GLOD4: variants seen among roughly 807,000 people sequenced by gnomAD.
GLOD4 encodes glyoxalase domain-containing protein 4.
Under a neutral mutation model 39.1 loss-of-function variants are expected in GLOD4, and 44 were observed. The observed-to-expected ratio is 1.13, with a 90% CI of 0.88 to 1.45. The LOEUF is 1.45. Among genes scored for constraint, GLOD4 ranks in the 40% most tolerant of loss-of-function variants. The pLI is 0.00. For missense variants in GLOD4, 405 were observed against 366.4 expected (o/e 1.11, Z -0.86); for synonymous variants, 145 against 135.0 (o/e 1.07, Z -0.52).
intron 8 of GLOD4, among the ~76,000 whole-genome samples, chr17:768,724 A>T (rs1597579853): frequency 2.9e-3 from 1 of 348 alleles, no homozygotes; most frequent in African/African-American, 0.029. Context: ...AGAGGACGTG[A>T]GAGAGAGAAA....
At chr17:769,552 G>A (rs1327830650) in intron 8 of GLOD4, among the ~76,000 whole-genome samples, 2 of 151,822 alleles carry the variant, frequency 1.3e-5, no homozygotes, top group African/African-American at 2.4e-5. Flanking sequence ...GAGGGGGTCG[G>A]ATGGAGGCAT....
intron 4 of GLOD4, among the ~76,000 whole-genome samples, chr17:774,162 G>A (rs1461594150): frequency 5.9e-5 from 9 of 152,156 alleles, no homozygotes; most frequent in Non-Finnish European, 1.2e-4. Context: ...GTGAGGCAGA[G>A]AAACACCATC....
chr17:767,068 T>C (rs904943366), intron 8 of GLOD4, among the ~76,000 whole-genome samples: 1 of 152,228 alleles, frequency 6.6e-6, no homozygotes, highest in Non-Finnish European at 1.5e-5. Context: ...CATCTACTAT[T>C]ATGTCAGTAA....
intron 1 of GLOD4, among the ~76,000 whole-genome samples, chr17:781,168 G>T (rs981012646): frequency 6.6e-6 from 1 of 152,132 alleles, no homozygotes; most frequent in African/African-American, 2.4e-5. Context: ...TGATCCACCC[G>T]CCTTGGCCTC....
chr17:769,953 G>A lies in GLOD4; in HGVS notation c.747C>T (p.Asp249=), dbSNP rs139770786. The A allele has an allele frequency of 2.0e-5, 32 of 1,604,552 alleles. 1 individual carries two copies. Among genetic ancestry groups the A allele is most frequent in the South Asian group, 5.5e-5 (5 of 90,910 alleles). Residue 249 remains aspartate (D), a splice_region_variant and synonymous_variant, in exon 8 of 9, where the codon GAC becomes GAT. Transcript: ENST00000301329. ...TVQVVILADP[D]GHEICFVGDE... is the part of the protein sequence containing the mutation. Reference sequence around the variant, plus strand: ...CCCCGACAAAGCAAATTTCATGTCCGTCCTACACCAATAAAGAGAAAAGAC... The same window carrying A: ...CCCCGACAAAGCAAATTTCATGTCCATCCTACACCAATAAAGAGAAAAGAC...
At chr17:767,265 C>T (rs1401501506) in intron 8 of GLOD4, among the ~76,000 whole-genome samples, 4 of 152,228 alleles carry the variant, frequency 2.6e-5, no homozygotes, top group African/African-American at 7.2e-5. Flanking sequence ...ATTTGCAGAA[C>T]GTCTAGTACA....
chr17:769,901 T>C lies in GLOD4; in HGVS notation c.799A>G (p.Met267Val). 1 of 1,608,798 alleles carries C rather than the reference T, an allele frequency of 6.2e-7. No homozygotes were observed. The highest frequency in any genetic ancestry group is 1.1e-5 in the South Asian group (1 of 90,984). The change falls in exon 8 of 9, where the codon ATG becomes GTG. Residue 267 changes from methionine (M) to valine (V), a missense_variant. Transcript: ENST00000301329. ...GDEAFRELSK[M>V]DPEGSKLLDD... ...AACAATTTGCTTCCCTCTGGATCCA[T>C]CTTAGAAAGTTCTCGAAATGCTTCA... is the stretch of plus-strand genomic sequence containing the variant.
chr17:773,833 G>A (rs908245183), intron 4 of GLOD4, among the ~76,000 whole-genome samples: 1 of 152,138 alleles, frequency 6.6e-6, no homozygotes, highest in African/African-American at 2.4e-5. Flanking sequence ...TTGACTTGGA[G>A]CCTGAAGGGA....
intron 8 of GLOD4, among the ~76,000 whole-genome samples, chr17:760,864 A>T (rs949948107): frequency 6.6e-6 from 1 of 152,246 alleles, no homozygotes; most frequent in African/African-American, 2.4e-5. Flanking sequence ...AGGCCAGAGG[A>T]TCACGTGAGC....
intron 4 of GLOD4, among the ~76,000 whole-genome samples, chr17:772,494 GACA>G (rs1008825880): frequency 1.8e-4 from 27 of 152,028 alleles, no homozygotes; most frequent in Admixed American, 7.2e-4. Context: ...AAAACTCCTA[GACA>G]ACAACCAAGA....
At chr17:769,794 T>G in intron 8 of GLOD4, 75 bp downstream of exon 8, 2 of 916,684 alleles carry the variant, frequency 2.2e-6, no homozygotes, top group Non-Finnish European at 3.7e-6. Context: ...ACCCTGTTGC[T>G]TAGTCTCCTC....
chr17:762,346 T>C (rs1440413899), intron 8 of GLOD4, among the ~76,000 whole-genome samples: 1 of 152,230 alleles, frequency 6.6e-6, no homozygotes, highest in African/African-American at 2.4e-5. Flanking sequence ...CGCTGTACTG[T>C]CCAGGGAGGG....
chr17:777,089 G>A, intron 2 of GLOD4, 101 bp from the exon 3 acceptor site: 4 of 1,122,526 alleles, frequency 3.6e-6, no homozygotes, highest in Non-Finnish European at 5.4e-6. Flanking sequence ...TTCCTGTCTG[G>A]TCCTAAAAGT....
chr17:780,096 G>A lies in GLOD4; in HGVS notation c.91-1352C>T, dbSNP rs182025568. On this transcript the variant is annotated intron_variant, in intron 1 of 8. Transcript: ENST00000301329. Reference sequence around the variant, plus strand: ...GGAGAATGGTGTGAACCCAGGAGGCGGAGCTTGCAGTGAGCCGAGATTGCG... The same window carrying A: ...GGAGAATGGTGTGAACCCAGGAGGCAGAGCTTGCAGTGAGCCGAGATTGCG... Among the ~76,000 whole-genome samples the A allele has an allele frequency of 2.6e-3, 389 of 151,642 alleles. 1 individual carries two copies. Among genetic ancestry groups the A allele is most frequent in the African/African-American group, 8.9e-3 (367 of 41,326 alleles).
chr17:770,686 C>T (rs969225196), intron 5 of GLOD4, 179 bp from the exon 6 acceptor site: 6 of 467,382 alleles, frequency 1.3e-5, no homozygotes, highest in South Asian at 4.3e-5. Flanking sequence ...AAGCACTGCA[C>T]GCATCTATGT....
chr17:766,732 T>G (rs762253080), intron 8 of GLOD4, among the ~76,000 whole-genome samples: 6 of 151,602 alleles, frequency 4.0e-5, no homozygotes, highest in Non-Finnish European at 8.8e-5. Context: ...AAACCCTGTC[T>G]CTACTAAAAA....
Position 770,083 on chromosome 17 carries a change from T to C in GLOD4, c.705A>G (p.Pro235=), listed in dbSNP as rs925646363. 6.2e-7 allele frequency: 1 copy of C among 1,612,610 alleles called. No individual in the cohort carries two copies. Among genetic ancestry groups the C allele is most frequent in the East Asian group, 2.2e-5 (1 of 44,886 alleles). Reference sequence around the variant, plus strand: ...TGACCACCTGTACTGTTGCTTTCCCTGGGGTGTCCAGGCTCACCAGGGGAG... The same window carrying C: ...TGACCACCTGTACTGTTGCTTTCCCCGGGGTGTCCAGGCTCACCAGGGGAG... ...ILTPLVSLDT[P]GKATVQVVIL... The change falls in exon 7 of 9, where the codon CCA becomes CCG. Residue 235 remains proline (P), a synonymous_variant. Coordinates refer to ENST00000301329, the MANE Select transcript of GLOD4 (RefSeq NM_016080.4).
intron 2 of GLOD4, 52 bp downstream of exon 2, chr17:778,642 TA>T (rs1567795548): frequency 1.0e-6 from 1 of 1,002,462 alleles, no homozygotes; most frequent in African/African-American, 1.6e-5. Context: ...TGTCTTCTGT[TA>T]TCCGGGTGTA....
In GLOD4 at chr17:771,484, T is replaced by G. The variant is rs764106991; in HGVS notation, c.407-23A>C. The G allele has an allele frequency of 3.5e-6, 5 of 1,411,810 alleles. No homozygotes were observed. The Admixed American group carries it at 1.2e-4, about 33-fold the overall frequency. The allele number at this position is 1,411,810 out of a possible 1,614,324, so 87.5% of individuals were successfully genotyped here. A position where few individuals can be genotyped will look rare whatever the true frequency, so the allele number is the denominator to read the frequency against. ...GATCTGTTGGGTAATAAAGCAGGAA[T>G]AGACAGATCAATTTAATAGAATAAA... is the stretch of plus-strand genomic sequence containing the variant. On this transcript the variant is annotated intron_variant, in intron 4 of 8. Coordinates refer to ENST00000301329, the MANE Select transcript of GLOD4 (RefSeq NM_016080.4).
Sources: gnomAD v4.1 joint callset for allele counts (sites outside exome capture counted in the v4.1 genomes callset) on GRCh38, gnomAD v4.1.1 for gene constraint, MANE v1.5 for transcripts, NCBI Gene and HGNC (gene_info 2026-07-23, HGNC 2026-07-21) for gene names.